Variants in CDC14A observed in about 807,000 individuals in gnomAD.
CDC14A encodes the protein dual specificity protein phosphatase CDC14A.
A neutral mutation model predicts 74.4 loss-of-function variants in CDC14A; 53 were observed. The ratio of observed to expected loss-of-function variants is 0.71; its 90% CI spans 0.57 to 0.89. The LOEUF is 0.89. CDC14A is among the 40% of genes least tolerant of loss of function. The probability of loss-of-function intolerance (pLI) is 0.00; values close to 1 mark genes in which losing one functional copy is unlikely to be tolerated. For synonymous variants in CDC14A, 247 were observed against 258.4 expected (o/e 0.96, Z 0.43); for missense variants, 646 against 713.7 (o/e 0.91, Z 1.08).
intron 4 of CDC14A, among the ~76,000 whole-genome samples, chr1:100,407,457 G>A (rs1660105473): frequency 6.6e-6 from 1 of 152,086 alleles, no homozygotes; most frequent in African/African-American, 2.4e-5. Context: ...TATTCTTTGT[G>A]TGCTAATTGC....
chr1:100,435,119 TAG>T lies in CDC14A; in HGVS notation c.390-4802_390-4801del, dbSNP rs532398342. ...CACTAAAGTTTTAGAGGCCCTGGTC[TAG>T]AGAGAGAGAGTATGGAGTGAGAAGA... On this transcript the variant is annotated intron_variant, in intron 5 of 15. Transcript: ENST00000336454. 4.6e-5 allele frequency among the ~76,000 whole-genome samples: 7 copies of T among 152,072 alleles called. No homozygotes were observed. In the South Asian group the frequency reaches 1.5e-3, roughly 32 times the overall value.
At chr1:100,502,429 G>A (rs907292814) in intron 15 of CDC14A, among the ~76,000 whole-genome samples, 6 of 152,188 alleles carry the variant, frequency 3.9e-5, no homozygotes, top group African/African-American at 1.4e-4. Flanking sequence ...TGCTGTACAG[G>A]TTTGCAGCCT....
chr1:100,472,159 A>G (rs1048933047), intron 10 of CDC14A, among the ~76,000 whole-genome samples: 1 of 152,194 alleles, frequency 6.6e-6, no homozygotes, highest in African/African-American at 2.4e-5. Flanking sequence ...AGAAACATGA[A>G]AAGACATTTC....
chr1:100,509,062 A>T (rs1283653912), intron 15 of CDC14A, among the ~76,000 whole-genome samples: 2 of 152,208 alleles, frequency 1.3e-5, no homozygotes, highest in African/African-American at 4.8e-5. Flanking sequence ...ACTCCTGAGC[A>T]TGAACCTTCT....
upstream of CDC14A, chr1:100,351,945 C>A (rs1254620572): frequency 6.9e-6 from 5 of 721,410 alleles, no homozygotes; most frequent in Non-Finnish European, 1.1e-5. Context: ...AGAGGCGAGG[C>A]AGGGCACGGA....
chr1:100,518,318 A>G lies in CDC14A; in HGVS notation c.*38A>G, dbSNP rs186880975. The stretch of plus-strand genomic sequence containing the variant: ...CCAGTGAAAGCTGTTCTTCTCTTAG[A>G]CACAATTTCTTCATCTGGACGAGCA... On this transcript the variant is annotated 3_prime_UTR_variant, in exon 16 of 16. Coordinates refer to ENST00000336454, the MANE Select transcript of CDC14A (RefSeq NM_003672.4). The G allele has an allele frequency of 7.0e-6, 11 of 1,568,276 alleles. No individual in the cohort carries two copies. In the Admixed American group the frequency reaches 1.2e-4, roughly 17 times the overall value.
At chr1:100,395,928 G>A (rs1484470220) in intron 4 of CDC14A, among the ~76,000 whole-genome samples, 1 of 152,096 alleles carries the variant, frequency 6.6e-6, no homozygotes, top group African/African-American at 2.4e-5. Context: ...TCTTTCTAAT[G>A]TTACTTTCTC....
Position 100,439,794 on chromosome 1 carries a change from C to A in CDC14A, c.390-138C>A, listed in dbSNP as rs1378296706. 5 of 635,304 alleles carry A rather than the reference C, an allele frequency of 7.9e-6. No individual in the cohort carries two copies. In the East Asian group the frequency reaches 1.4e-4, roughly 17 times the overall value. 39.4% of individuals were successfully genotyped at this position (635,304 alleles called of 1,614,324 possible). Reference sequence around the variant, plus strand: ...AAGTGTGGTAGTTAATTAGTAGGATCTAATGTATTATATAAGTTTACCATG... The same window carrying A: ...AAGTGTGGTAGTTAATTAGTAGGATATAATGTATTATATAAGTTTACCATG... On this transcript the variant is annotated intron_variant, in intron 5 of 15. Coordinates refer to ENST00000336454, the MANE Select transcript of CDC14A (RefSeq NM_003672.4).
intron 10 of CDC14A, among the ~76,000 whole-genome samples, chr1:100,469,842 A>T (rs897357835): frequency 6.6e-6 from 1 of 152,150 alleles, no homozygotes; most frequent in Non-Finnish European, 1.5e-5. Flanking sequence ...CAACCTCCCT[A>T]TTATACTCTT....
intron 5 of CDC14A, among the ~76,000 whole-genome samples, chr1:100,437,273 A>G (rs1407244466): frequency 1.3e-5 from 2 of 152,152 alleles, no homozygotes; most frequent in Admixed American, 6.5e-5. Context: ...TCCCCCAGAG[A>G]ATACATAACA....
intron 10 of CDC14A, among the ~76,000 whole-genome samples, chr1:100,470,881 C>T (rs140204754): frequency 1.5e-3 from 228 of 152,150 alleles, no homozygotes; most frequent in African/African-American, 5.2e-3. Context: ...TTTCTCATAA[C>T]GTTAATCTAT....
At chr1:100,373,822 A>T (rs1467147332) in intron 2 of CDC14A, among the ~76,000 whole-genome samples, 3 of 151,778 alleles carry the variant, frequency 2.0e-5, no homozygotes, top group Non-Finnish European at 4.4e-5. Flanking sequence ...TTATTATTAT[A>T]CTTTAAGTTT....
At chr1:100,467,433 A>G in intron 9 of CDC14A, among the ~76,000 whole-genome samples, 1 of 14,678 alleles carries the variant, frequency 6.8e-5, no homozygotes, top group Admixed American at 1.0e-3. Context: ...ATATGCACAC[A>G]ATTTTTTTTT....
At chr1:100,391,239 G>A (rs1002388076) in intron 4 of CDC14A, among the ~76,000 whole-genome samples, 1 of 152,174 alleles carries the variant, frequency 6.6e-6, no homozygotes, top group African/African-American at 2.4e-5. Context: ...TTGCACAGGG[G>A]AGGATTGTTA....
At chr1:100,393,248 A>G in intron 4 of CDC14A, 1 of 1,512,644 alleles carries the variant, frequency 6.6e-7, no homozygotes, top group Non-Finnish European at 9.2e-7. Context: ...TTAACTTCTG[A>G]AGTTCTTTCT....
At chr1:100,393,726 C>G (rs904638899) in intron 4 of CDC14A, 5 of 367,606 alleles carry the variant, frequency 1.4e-5, no homozygotes, top group Non-Finnish European at 2.6e-5. Flanking sequence ...GAGGCTGAGG[C>G]GGGCGGATCA....
At chr1:100,386,597 A>G (rs898270020) in intron 3 of CDC14A, among the ~76,000 whole-genome samples, 1 of 152,228 alleles carries the variant, frequency 6.6e-6, no homozygotes, top group Middle Eastern at 3.4e-3. Context: ...GGAGTTCAAG[A>G]CCAGCCTAGC....
At chr1:100,420,825 C>T (rs1319359447) in intron 4 of CDC14A, among the ~76,000 whole-genome samples, 14 of 151,986 alleles carry the variant, frequency 9.2e-5, no homozygotes, top group South Asian at 6.2e-4. Context: ...AATTTTATTA[C>T]GCTGTTTAAT....
intron 4 of CDC14A, among the ~76,000 whole-genome samples, chr1:100,401,980 G>T (rs1659322174): frequency 1.3e-5 from 2 of 151,998 alleles, no homozygotes; most frequent in African/African-American, 4.8e-5. Flanking sequence ...GGAGGTTGTG[G>T]TGAGCCGAGA....
Sources: gnomAD v4.1 joint callset for allele counts (sites outside exome capture counted in the v4.1 genomes callset) on GRCh38, gnomAD v4.1.1 for gene constraint, MANE v1.5 for transcripts, NCBI Gene and HGNC (gene_info 2026-07-23, HGNC 2026-07-21) for gene names.